CBFA2T2: variants seen among roughly 807,000 people sequenced by gnomAD.
The protein encoded by CBFA2T2 is protein CBFA2T2.
A neutral mutation model predicts 62.2 loss-of-function variants in CBFA2T2; 11 were observed. That is an observed-to-expected ratio of 0.18 (90% confidence interval 0.11 to 0.29). CBFA2T2 has a LOEUF of 0.29. Among genes scored for constraint, CBFA2T2 ranks in the 10% least tolerant of loss-of-function variants. The probability of loss-of-function intolerance (pLI) is 1.00; values close to 1 mark genes in which losing one functional copy is unlikely to be tolerated. For missense variants in CBFA2T2, 592 were observed against 774.1 expected (o/e 0.76, Z 2.79); for synonymous variants, 295 against 287.5 (o/e 1.03, Z -0.27).
At chr20:33,608,028 C>CAT (rs1308837606) in intron 2 of CBFA2T2, among the ~76,000 whole-genome samples, 1 of 152,232 alleles carries the variant, frequency 6.6e-6, no homozygotes, top group Non-Finnish European at 1.5e-5. Context: ...CTTGAACACT[C>CAT]ATACAATGCT....
chr20:33,629,434 C>T (rs1477212378), intron 7 of CBFA2T2, among the ~76,000 whole-genome samples: 2 of 152,240 alleles, frequency 1.3e-5, no homozygotes, highest in East Asian at 3.8e-4. Flanking sequence ...GCTGCTGCAA[C>T]ATGAAATAGT....
chr20:33,642,108 TTTTTTTTTTGTGTG>T (rs745788086), intron 10 of CBFA2T2, among the ~76,000 whole-genome samples: 762 of 55,384 alleles, frequency 0.014, 7 homozygotes, highest in East Asian at 0.041. Flanking sequence ...CCTTTGTCTT[TTTTTTTTTTGTGTG>T]TGTGTGTGTG....
intron 10 of CBFA2T2, among the ~76,000 whole-genome samples, chr20:33,643,797 A>G (rs2016942467): frequency 9.7e-5 from 2 of 20,704 alleles, no homozygotes; most frequent in African/African-American, 4.5e-4. Context: ...ATATATATAT[A>G]TATATATATA....
At position 33,635,395 on chromosome 20, in the gene CBFA2T2, G is replaced by A. The variant is rs1020376276; in HGVS notation, c.1229-1245G>A. Among the ~76,000 whole-genome samples, 10 of 152,142 alleles carry A rather than the reference G, an allele frequency of 6.6e-5. No individual in the cohort carries two copies. In the South Asian group the frequency reaches 2.1e-3, roughly 31 times the overall value. ...CTGAAAGAGGATCCAACACAAGAAA[G>A]GAAGGAAAGGAATCCCTAGGCTGGT... On this transcript the variant is annotated intron_variant, in intron 8 of 10. Coordinates refer to ENST00000342704, the MANE Select transcript of CBFA2T2 (RefSeq NM_001032999.3).
At chr20:33,565,732 A>C (rs1456904069) in intron 1 of CBFA2T2, among the ~76,000 whole-genome samples, 1 of 152,188 alleles carries the variant, frequency 6.6e-6, no homozygotes, top group African/African-American at 2.4e-5. Flanking sequence ...AAGCATCATG[A>C]GAATCTTACT....
intron 1 of CBFA2T2, among the ~76,000 whole-genome samples, chr20:33,567,902 G>T (rs922140080): frequency 2.6e-5 from 4 of 152,000 alleles, no homozygotes; most frequent in African/African-American, 9.7e-5. Flanking sequence ...AAACTTTATC[G>T]TAGGTATGTA....
chr20:33,623,218 C>A lies in CBFA2T2; in HGVS notation c.614C>A (p.Thr205Lys). 6.2e-7 allele frequency: 1 copy of A among 1,614,272 alleles called. No homozygotes were observed. Among genetic ancestry groups the A allele is most frequent in the Non-Finnish European group, 8.5e-7 (1 of 1,180,054 alleles). Reference sequence around the variant, plus strand: ...CAGCACGAACACCTTCTGCTCAACACAAGCATTGCATCGCCTGCTGACTCG... The same window carrying A: ...CAGCACGAACACCTTCTGCTCAACAAAAGCATTGCATCGCCTGCTGACTCG... ...LAQHEHLLLN[T>K]SIASPADSSE... Residue 205 changes from threonine to lysine, a missense_variant, in exon 5 of 11, where the codon ACA becomes AAA. By Grantham distance (78) the Thr-to-Lys change is moderately conservative. Around this residue, in one of 3 missense-constraint regions of CBFA2T2, gnomAD observed 449 missense variants for 551.2 expected, o/e 0.81. Transcript: ENST00000342704.
At chr20:33,540,860 A>G (rs1226784584) in intron 1 of CBFA2T2, among the ~76,000 whole-genome samples, 1 of 152,160 alleles carries the variant, frequency 6.6e-6, no homozygotes, top group Non-Finnish European at 1.5e-5. Context: ...ATAACTCCAG[A>G]ATCACCATTC....
chr20:33,608,796 G>C (rs915228148), intron 2 of CBFA2T2, among the ~76,000 whole-genome samples: 1 of 152,198 alleles, frequency 6.6e-6, no homozygotes, highest in Non-Finnish European at 1.5e-5. Context: ...CTACGAAAAA[G>C]CCTTTCTATA....
chr20:33,513,386 TCTCA>T (rs748404328), intron 1 of CBFA2T2, among the ~76,000 whole-genome samples: 13 of 147,892 alleles, frequency 8.8e-5, no homozygotes, highest in Non-Finnish European at 1.8e-4. Flanking sequence ...TGAGATAGAG[TCTCA>T]CTCTTGTCTC....
chr20:33,529,687 A>C (rs1044431479), intron 1 of CBFA2T2, among the ~76,000 whole-genome samples: 4 of 150,852 alleles, frequency 2.7e-5, no homozygotes, highest in South Asian at 2.1e-4. Flanking sequence ...AACAAACAAA[A>C]AAAAACTAGG....
chr20:33,630,190 C>T (rs1364608868), intron 8 of CBFA2T2, among the ~76,000 whole-genome samples: 1 of 152,166 alleles, frequency 6.6e-6, no homozygotes. Context: ...TCAAGCAATC[C>T]TCCTGCCTCA....
Position 33,490,239 on chromosome 20 carries a change from C to A in CBFA2T2, c.-29C>A, listed in dbSNP as rs768431685. ...GAGGGACCCGTGTCGCGGGTAGAGG[C>A]GGGCGGCGCGCGGCGGCGGCGCTCG... On this transcript the variant is annotated 5_prime_UTR_variant, in exon 1 of 11. Coordinates refer to ENST00000342704, the MANE Select transcript of CBFA2T2 (RefSeq NM_001032999.3). The A allele has an allele frequency of 7.3e-6, 9 of 1,229,012 alleles. No homozygotes were observed. The highest frequency in any genetic ancestry group is 9.1e-6 in the Non-Finnish European group (9 of 985,940). The allele number at this position is 1,229,012 out of a possible 1,614,324, so 76.1% of individuals were successfully genotyped here.
chr20:33,611,205 A>G lies in CBFA2T2; in HGVS notation c.290A>G (p.Gln97Arg), dbSNP rs768595018. ...SSTSSALTNQ[Q>R]LPATCGARQL... is the part of the protein sequence containing the mutation. ...ACATCATCTGCACTCACAAATCAGC[A>G]ATTGCCAGCCACTTGTGGTGCTCGA... Residue 97 changes from glutamine to arginine, a missense_variant, in exon 3 of 11, where the codon CAA (glutamine) becomes CGA (arginine). Gln to Arg is a conservative substitution (Grantham distance 43). This residue lies in a region of CBFA2T2 where 449 missense variants were observed against 551.2 expected (regional missense o/e 0.81). Coordinates refer to ENST00000342704, the MANE Select transcript of CBFA2T2 (RefSeq NM_001032999.3). 1 of 1,614,152 alleles carries G rather than the reference A, an allele frequency of 6.2e-7. No individual in the cohort carries two copies. The highest frequency in any genetic ancestry group is 8.5e-7 in the Non-Finnish European group (1 of 1,180,016).
chr20:33,497,091 T>G (rs1381394345), intron 1 of CBFA2T2, among the ~76,000 whole-genome samples: 1 of 151,876 alleles, frequency 6.6e-6, no homozygotes, highest in African/African-American at 2.4e-5. Flanking sequence ...CTGACCAAAA[T>G]GGAGAAACCA....
intron 3 of CBFA2T2, among the ~76,000 whole-genome samples, chr20:33,611,579 G>A (rs570750611): frequency 3.3e-5 from 5 of 151,720 alleles, no homozygotes; most frequent in East Asian, 1.9e-4. Context: ...ATGATGGTGC[G>A]AACACAGCTC....
intron 1 of CBFA2T2, among the ~76,000 whole-genome samples, chr20:33,604,008 C>T (rs920264006): frequency 6.6e-6 from 1 of 152,172 alleles, no homozygotes; most frequent in Admixed American, 6.5e-5. Flanking sequence ...TTGGATAGAT[C>T]TCACTCCATG....
intron 8 of CBFA2T2, among the ~76,000 whole-genome samples, chr20:33,632,330 C>T (rs550450871): frequency 1.3e-5 from 2 of 152,000 alleles, no homozygotes; most frequent in Non-Finnish European, 2.9e-5. Flanking sequence ...AGACATAAGC[C>T]ACCATGCCCA....
intron 1 of CBFA2T2, among the ~76,000 whole-genome samples, chr20:33,532,595 A>C (rs765019824): frequency 2.6e-5 from 4 of 152,250 alleles, no homozygotes; most frequent in Admixed American, 6.5e-5. Context: ...TTCACTATCA[A>C]GGTGAATTAT....
Sources: allele counts gnomAD v4.1 joint callset (sites outside exome capture counted in the v4.1 genomes callset), GRCh38; gene constraint gnomAD v4.1.1; regional missense constraint gnomAD v4.1.1; transcripts MANE v1.5; gene names NCBI Gene and HGNC (gene_info 2026-07-23, HGNC 2026-07-21).